The following DPP6 variants were observed in gnomAD, a reference collection of about 807,000 sequenced individuals.
The protein encoded by DPP6 is dipeptidyl peptidase like 6, also known as A-type potassium channel modulatory protein DPP6.
A neutral mutation model predicts 122.6 loss-of-function variants in DPP6; 69 were observed. The observed-to-expected ratio is 0.56, with a 90% CI of 0.46 to 0.69. The LOEUF (loss-of-function observed/expected upper bound fraction) is 0.69, where lower values mean the gene tolerates loss of function less well. DPP6 is among the 30% of genes least tolerant of loss of function. The pLI is 0.00. For missense variants in DPP6, 928 were observed against 1,116.9 expected (o/e 0.83, Z 2.41); for synonymous variants, 418 against 433.1 (o/e 0.97, Z 0.43).
chr7:154,425,738 G>A lies in DPP6; in HGVS notation c.244-20476G>A, dbSNP rs561462518. ...GCTCACTGCAGCCTTGACCTTCTGG[G>A]CTCAAGCAATCCTCCCACCTCAGCC... On this transcript the variant is annotated intron_variant, in intron 1 of 25. Transcript: ENST00000377770. 6.6e-5 allele frequency among the ~76,000 whole-genome samples: 10 copies of A among 151,806 alleles called. No individual in the cohort carries two copies. In the South Asian group the frequency reaches 2.1e-3, roughly 32 times the overall value.
In DPP6 at chr7:154,727,756, T is replaced by C; in HGVS notation, c.763-11T>C. 1 of 1,604,130 alleles carries C rather than the reference T, an allele frequency of 6.2e-7. No homozygotes were observed. The highest frequency in any genetic ancestry group is 8.5e-7 in the Non-Finnish European group (1 of 1,174,598). On this transcript the variant is annotated splice_polypyrimidine_tract_variant and intron_variant, in intron 7 of 25. Transcript: ENST00000377770. ...TGCTTAATATTATGCTTTTTTCTCT[T>C]TCCAAATTAGATATTTATTTTTGAA...
rs183127121 is a variant in DPP6, at chr7:154,455,085, T to C, written c.358+8757T>C. Among the ~76,000 whole-genome samples the C allele has an allele frequency of 2.6e-5, 4 of 152,268 alleles. No individual in the cohort carries two copies. The East Asian group carries it at 7.7e-4, about 29-fold the overall frequency. On this transcript the variant is annotated intron_variant, in intron 2 of 25. Transcript: ENST00000377770. ...GGCTCCATCTCTCTGCTGCCATCAG[T>C]ATGTCGACAACATGGTTGTGACGGC...
intron 7 of DPP6, among the ~76,000 whole-genome samples, chr7:154,720,140 G>C (rs558329039): frequency 6.6e-6 from 1 of 152,328 alleles, no homozygotes; most frequent in African/African-American, 2.4e-5. Flanking sequence ...TTACAAGAGG[G>C]CAGGATCTGG....
chr7:154,229,759 C>G (rs1410517028), intron 1 of DPP6, among the ~76,000 whole-genome samples: 5 of 152,080 alleles, frequency 3.3e-5, no homozygotes, highest in African/African-American at 1.2e-4. Context: ...TATCAGAATT[C>G]ATGTTGCTCT....
chr7:154,092,563 C>T (rs1321957496), intron 1 of DPP6: 2 of 151,046 alleles, frequency 1.3e-5, no homozygotes, highest in Non-Finnish European at 3.0e-5. Context: ...GATGTTTCCT[C>T]ATAATTAGAA....
chr7:154,081,359 G>A (rs1038044870), intron 1 of DPP6, among the ~76,000 whole-genome samples: 3 of 146,458 alleles, frequency 2.0e-5, no homozygotes, highest in African/African-American at 7.4e-5. Context: ...CCTCCAGGGT[G>A]GATTCACTGT....
intron 1 of DPP6, among the ~76,000 whole-genome samples, chr7:154,283,227 T>C (rs901647345): frequency 2.0e-5 from 3 of 152,172 alleles, no homozygotes; most frequent in Non-Finnish European, 4.4e-5. Context: ...GAGTAGAGGC[T>C]GTAAGCATGA....
intron 1 of DPP6, among the ~76,000 whole-genome samples, chr7:154,306,564 A>G (rs943142206): frequency 1.3e-5 from 2 of 152,216 alleles, no homozygotes; most frequent in African/African-American, 4.8e-5. Flanking sequence ...GAAGCTGAAG[A>G]GCCTCCTTGA....
Position 153,975,253 on chromosome 7 carries a change from ATT to A in DPP6, c.51+87520_51+87521del, listed in dbSNP as rs1454578625. 3.5e-3 allele frequency among the ~76,000 whole-genome samples: 499 copies of A among 143,504 alleles called. 1 individual carries two copies. The highest frequency in any genetic ancestry group is 5.7e-3 in the Non-Finnish European group (383 of 66,660). 94.1% of individuals were successfully genotyped at this position (143,504 alleles called of 152,430 possible). A position where few individuals can be genotyped will look rare whatever the true frequency, so the allele number is the denominator to read the frequency against. On this transcript the variant is annotated intron_variant, in intron 1 of 25. Transcript: ENST00000404039. ...AGAATTCTTAGTTTAAAAAAAAAAA[ATT>A]ATTTCACTTATGAAAGGAGTCTTCT...
At chr7:154,631,385 T>C (rs1369864039) in intron 5 of DPP6, among the ~76,000 whole-genome samples, 1 of 152,176 alleles carries the variant, frequency 6.6e-6, no homozygotes, top group Non-Finnish European at 1.5e-5. Flanking sequence ...ACGTGTTTGG[T>C]AGATAAGGGT....
chr7:154,649,799 G>A (rs1342663325), intron 6 of DPP6, among the ~76,000 whole-genome samples: 2 of 152,194 alleles, frequency 1.3e-5, no homozygotes, highest in Admixed American at 6.5e-5. Flanking sequence ...TGACATATCA[G>A]CCGCGAAGAC....
At chr7:153,944,330 C>G (rs886271869) in intron 1 of DPP6, among the ~76,000 whole-genome samples, 2 of 152,188 alleles carry the variant, frequency 1.3e-5, no homozygotes, top group Non-Finnish European at 1.5e-5. Flanking sequence ...CATATACTCA[C>G]CCGAGGCGTG....
At chr7:154,054,532 T>C (rs1275398473) in intron 1 of DPP6, among the ~76,000 whole-genome samples, 3 of 152,160 alleles carry the variant, frequency 2.0e-5, no homozygotes, top group African/African-American at 7.2e-5. Flanking sequence ...TGCATGAGGT[T>C]TTGTGATTTT....
chr7:154,027,218 C>A lies in DPP6; in HGVS notation c.51+139484C>A, dbSNP rs1218063963. Among the ~76,000 whole-genome samples the A allele has an allele frequency of 3.3e-5, 5 of 151,036 alleles. No individual in the cohort carries two copies. In the South Asian group the frequency reaches 6.4e-4, roughly 19 times the overall value. ...TCATCCCACACGGCTAGCTCACTTC[C>A]CACCAGGAAATAGAAAAGAATTTTT... On this transcript the variant is annotated intron_variant, in intron 1 of 25. Transcript: ENST00000404039.
chr7:154,325,797 CA>C (rs1180609796), intron 1 of DPP6, among the ~76,000 whole-genome samples: 1 of 152,196 alleles, frequency 6.6e-6, no homozygotes, highest in Admixed American at 6.5e-5. Flanking sequence ...GTCATACACA[CA>C]TACCTAAATG....
chr7:154,251,447 T>G (rs914689093), intron 1 of DPP6, among the ~76,000 whole-genome samples: 4 of 152,104 alleles, frequency 2.6e-5, no homozygotes, highest in Non-Finnish European at 5.9e-5. Context: ...TTAGTCAGGG[T>G]TCTCTAGAGG....
At chr7:154,323,735 C>T (rs768165659) in intron 1 of DPP6, among the ~76,000 whole-genome samples, 2 of 152,198 alleles carry the variant, frequency 1.3e-5, no homozygotes, top group East Asian at 1.9e-4. Context: ...ACCCTCAGAA[C>T]ACTGGGACAA....
chr7:154,305,473 G>C, intron 1 of DPP6: 1 of 1,582,160 alleles, frequency 6.3e-7, no homozygotes, highest in Non-Finnish European at 8.6e-7. Flanking sequence ...TGCCCCGGTG[G>C]TGGGAAGCGC....
chr7:154,792,025 G>A (rs945852582), intron 10 of DPP6, among the ~76,000 whole-genome samples: 4 of 152,218 alleles, frequency 2.6e-5, no homozygotes, highest in Non-Finnish European at 5.9e-5. Flanking sequence ...GCAGAAAGAA[G>A]CATAGGATGA....
Sources: gnomAD v4.1 joint callset for allele counts (sites outside exome capture counted in the v4.1 genomes callset) on GRCh38, gnomAD v4.1.1 for gene constraint, MANE v1.5 for transcripts, NCBI Gene and HGNC (gene_info 2026-07-23, HGNC 2026-07-21) for gene names.